Variants in ARID5B observed in about 807,000 individuals in gnomAD.
The protein encoded by ARID5B is AT-rich interactive domain-containing protein 5B.
A neutral mutation model predicts 97.2 loss-of-function variants in ARID5B; 13 were observed. That is an observed-to-expected ratio of 0.13 (90% CI 0.09 to 0.21). The LOEUF (loss-of-function observed/expected upper bound fraction) is 0.21, where lower values mean the gene tolerates loss of function less well. Among genes scored for constraint, ARID5B ranks in the 10% least tolerant of loss-of-function variants. The pLI is 1.00. For missense variants in ARID5B, 1,210 were observed against 1,465.3 expected, an observed-to-expected ratio of 0.83 and a Z score of 2.84; for synonymous variants, 556 against 570.3, an observed-to-expected ratio of 0.97 and a Z score of 0.36.
chr10:62,073,555 C>A (rs1287913369), intron 8 of ARID5B, among the ~76,000 whole-genome samples: 2 of 152,168 alleles, frequency 1.3e-5, no homozygotes, highest in Non-Finnish European at 2.9e-5. Context: ...TGGTTTAAAT[C>A]AAATAGGTCC....
Position 62,090,992 on chromosome 10 carries a change from C to T in ARID5B, c.1529C>T (p.Ser510Phe). 1 of 1,614,120 alleles carries T rather than the reference C, an allele frequency of 6.2e-7. No homozygotes were observed. Among genetic ancestry groups the T allele is most frequent in the South Asian group, 1.1e-5 (1 of 91,070 alleles). Residue 510 changes from serine to phenylalanine, a missense_variant, in exon 10 of 10, where the codon TCC (serine) becomes TTC (phenylalanine). Physicochemically the swap from Ser to Phe is radical, Grantham distance 155 (BLOSUM62 -2). Coordinates refer to ENST00000279873, the MANE Select transcript of ARID5B (RefSeq NM_032199.3). ...YQEFSAKPLA[S>F]RVDPEKDNET... ...GAATTTTCAGCGAAGCCCCTGGCAT[C>T]CAGAGTAGACCCAGAGAAGGACAAC...
chr10:62,067,091 T>C (rs576616996), intron 7 of ARID5B, among the ~76,000 whole-genome samples: 1 of 144,812 alleles, frequency 6.9e-6, no homozygotes, highest in Non-Finnish European at 1.5e-5. Flanking sequence ...ATAGAACTTC[T>C]TTTTTTTTTT....
At chr10:61,952,805 G>A (rs1295412236) in intron 3 of ARID5B, among the ~76,000 whole-genome samples, 1 of 151,970 alleles carries the variant, frequency 6.6e-6, no homozygotes. Flanking sequence ...CATGCTTGAA[G>A]CTATCCTGCT....
At chr10:61,986,307 A>G (rs1838846434) in intron 3 of ARID5B, among the ~76,000 whole-genome samples, 1 of 152,212 alleles carries the variant, frequency 6.6e-6, no homozygotes, top group African/African-American at 2.4e-5. Flanking sequence ...GGAGGATTGA[A>G]TGAATCTAAG....
intron 4 of ARID5B, among the ~76,000 whole-genome samples, chr10:62,030,179 G>T (rs1839477757): frequency 6.6e-6 from 1 of 151,866 alleles, no homozygotes; most frequent in Non-Finnish European, 1.5e-5. Context: ...GCCCAGGCTG[G>T]AGTACAGTCA....
intron 4 of ARID5B, among the ~76,000 whole-genome samples, chr10:62,002,354 G>A (rs1839090400): frequency 6.6e-6 from 1 of 152,148 alleles, no homozygotes; most frequent in Admixed American, 6.5e-5. Flanking sequence ...TTTTAATGCT[G>A]TTTTTCTTCT....
At position 62,093,234 on chromosome 10, in the gene ARID5B, T is replaced by C. The variant is rs1010398947; in HGVS notation, c.*204T>C. The C allele has an allele frequency of 3.4e-5, 23 of 680,596 alleles. No individual in the cohort carries two copies. Among genetic ancestry groups the C allele is most frequent in the Non-Finnish European group, 4.9e-5 (21 of 430,928 alleles). 42.2% of individuals were successfully genotyped at this position (680,596 alleles called of 1,614,324 possible). The stretch of plus-strand genomic sequence containing the variant: ...GCCCACAAACTGACTGGCTGGTGAG[T>C]CTTGACTCCCTTCCAACACAGATGC... On this transcript the variant is annotated 3_prime_UTR_variant, in exon 10 of 10. Transcript: ENST00000279873.
intron 2 of ARID5B, among the ~76,000 whole-genome samples, chr10:61,909,839 G>A (rs1352348637): frequency 6.6e-6 from 1 of 152,190 alleles, no homozygotes; most frequent in African/African-American, 2.4e-5. Flanking sequence ...AACATGGGAA[G>A]TGGTTTTTTC....
intron 8 of ARID5B, among the ~76,000 whole-genome samples, chr10:62,078,960 T>C (rs995484432): frequency 6.6e-6 from 1 of 152,224 alleles, no homozygotes; most frequent in Non-Finnish European, 1.5e-5. Context: ...GCATGGTTAT[T>C]GTAGCATATT....
chr10:61,932,941 T>A (rs940011347), intron 2 of ARID5B, among the ~76,000 whole-genome samples: 4 of 152,028 alleles, frequency 2.6e-5, no homozygotes, highest in African/African-American at 4.8e-5. Flanking sequence ...AAAATAAATT[T>A]AAAAATTTAG....
At chr10:61,961,857 C>T (rs10430496) in intron 3 of ARID5B, among the ~76,000 whole-genome samples, 84,599 of 151,530 alleles carry the variant, frequency 0.56, 23,814 homozygotes, top group East Asian at 0.6. Flanking sequence ...AAGTGATTCT[C>T]CTGCCTCAGC....
chr10:62,035,954 A>G (rs148304101), intron 4 of ARID5B, among the ~76,000 whole-genome samples: 7,812 of 151,628 alleles, frequency 0.052, 443 homozygotes, highest in Admixed American at 0.18. Context: ...CCTCCCAAGT[A>G]GGTGGGATTA....
intron 2 of ARID5B, among the ~76,000 whole-genome samples, chr10:61,904,929 A>G (rs1024422309): frequency 2.6e-5 from 4 of 152,258 alleles, no homozygotes; most frequent in Admixed American, 6.5e-5. Context: ...GTCATTCATT[A>G]GCAGAATAGC....
rs1200431509 is a variant in ARID5B, at chr10:62,093,833, T to G, written c.*803T>G. 4.3e-6 allele frequency: 1 copy of G among 233,636 alleles called. No homozygotes were observed. The highest frequency in any genetic ancestry group is 8.5e-6 in the Non-Finnish European group (1 of 118,032). The allele number at this position is 233,636 out of a possible 1,614,324, so 14.5% of individuals were successfully genotyped here. ...GTTATTGTTTACAAATTGAAGCAAC[T>G]GATTCTAGTGGAACAAATGAAAAAG... On this transcript the variant is annotated 3_prime_UTR_variant, in exon 10 of 10. Coordinates refer to ENST00000279873, the MANE Select transcript of ARID5B (RefSeq NM_032199.3).
intron 3 of ARID5B, among the ~76,000 whole-genome samples, chr10:61,993,585 C>G (rs893359451): frequency 2.6e-5 from 4 of 151,750 alleles, no homozygotes; most frequent in East Asian, 1.9e-4. Context: ...CTACTCTTAT[C>G]TGTAGAATTT....
intron 4 of ARID5B, among the ~76,000 whole-genome samples, chr10:62,045,446 TA>T (rs143692901): frequency 1.5e-5 from 1 of 67,544 alleles, no homozygotes; most frequent in Non-Finnish European, 3.2e-5. Context: ...CTTGCCAGGG[TA>T]TTTTTTTTTT....
Position 61,934,103 on chromosome 10 carries a change from G to A in ARID5B, c.277-6080G>A, listed in dbSNP as rs1275300916. Among the ~76,000 whole-genome samples the A allele has an allele frequency of 2.0e-5, 3 of 152,324 alleles. No homozygotes were observed. The East Asian group carries it at 5.8e-4, about 29-fold the overall frequency. On this transcript the variant is annotated intron_variant, in intron 2 of 9. Transcript: ENST00000279873. Reference sequence around the variant, plus strand: ...TACCGTGTACTTGAAAGTTACAGAGGCAGCTTCTTTCCTTAAACCTCATGA... The same window carrying A: ...TACCGTGTACTTGAAAGTTACAGAGACAGCTTCTTTCCTTAAACCTCATGA...
chr10:62,057,663 A>C (rs1839874094), intron 6 of ARID5B, among the ~76,000 whole-genome samples: 2 of 152,194 alleles, frequency 1.3e-5, no homozygotes, highest in South Asian at 2.1e-4. Context: ...TATCAGGCAC[A>C]GATGTTGCCT....
chr10:61,946,088 A>T (rs1029332775), intron 3 of ARID5B, among the ~76,000 whole-genome samples: 2 of 148,914 alleles, frequency 1.3e-5, no homozygotes, highest in African/African-American at 4.9e-5. Flanking sequence ...ATATATATTT[A>T]TATTTTATAA....
Sources: allele counts gnomAD v4.1 joint callset (sites outside exome capture counted in the v4.1 genomes callset), GRCh38; gene constraint gnomAD v4.1.1; transcripts MANE v1.5; gene names NCBI Gene and HGNC (gene_info 2026-07-23, HGNC 2026-07-21).